The following EYS variants were observed in gnomAD, a reference collection of about 807,000 sequenced individuals.
EYS encodes the protein EGF-like photoreceptor maintenance factor.
Under a neutral mutation model 282.1 loss-of-function variants are expected in EYS, and 250 were observed. That is an observed-to-expected ratio of 0.89 (90% CI 0.80 to 0.98). EYS has a LOEUF of 0.98. EYS is among the 50% of genes least tolerant of loss of function. EYS has a pLI of 0.00. For synonymous variants in EYS, 1,355 were observed against 1,282.9 expected, an observed-to-expected ratio of 1.06 and a Z score of -1.20; for missense variants, 4,016 against 3,709.0, an observed-to-expected ratio of 1.08 and a Z score of -2.15.
intron 14 of EYS, among the ~76,000 whole-genome samples, chr6:64,979,732 A>C (rs551462390): frequency 6.6e-6 from 1 of 151,754 alleles, no homozygotes; most frequent in African/African-American, 2.4e-5. Context: ...TTGCTAACAT[A>C]TAATAAAGAT....
intron 16 of EYS, among the ~76,000 whole-genome samples, chr6:64,905,418 C>T (rs992396438): frequency 1.4e-4 from 22 of 152,110 alleles, no homozygotes; most frequent in African/African-American, 1.9e-4. Flanking sequence ...TTCGGTTGGC[C>T]GTACTTTGTT....
At chr6:63,979,266 G>T (rs1766983845) in intron 35 of EYS, among the ~76,000 whole-genome samples, 1 of 152,018 alleles carries the variant, frequency 6.6e-6, no homozygotes, top group Non-Finnish European at 1.5e-5. Flanking sequence ...GGAGAGTTAA[G>T]TTATTGCAAT....
intron 12 of EYS, among the ~76,000 whole-genome samples, chr6:65,124,034 G>T (rs1025011893): frequency 2.0e-5 from 3 of 151,926 alleles, no homozygotes; most frequent in Non-Finnish European, 2.9e-5. Context: ...AATTGGCAGG[G>T]CTGGTGGCAT....
chr6:63,830,780 C>T lies in EYS; in HGVS notation c.7229-24408G>A, dbSNP rs543598954. On this transcript the variant is annotated intron_variant, in intron 36 of 42. Transcript: ENST00000503581. Reference sequence around the variant, plus strand: ...ACATAATTGTCAGATTCACCAAAGTCGAAATGAAGGGAAAAATGTTAAGGG... The same window carrying T: ...ACATAATTGTCAGATTCACCAAAGTTGAAATGAAGGGAAAAATGTTAAGGG... Among the ~76,000 whole-genome samples, 420 of 152,122 alleles carry T rather than the reference C, an allele frequency of 2.8e-3. 2 individuals carry two copies. Among genetic ancestry groups the T allele is most frequent in the African/African-American group, 8.6e-3 (356 of 41,500 alleles).
intron 35 of EYS, among the ~76,000 whole-genome samples, chr6:63,874,404 A>C (rs1254482924): frequency 6.6e-6 from 1 of 152,204 alleles, no homozygotes; most frequent in Non-Finnish European, 1.5e-5. Context: ...ATAGCCTTGT[A>C]GTACCGTTTG....
At chr6:63,978,240 T>C (rs1039426285) in intron 35 of EYS, among the ~76,000 whole-genome samples, 2 of 152,014 alleles carry the variant, frequency 1.3e-5, no homozygotes, top group African/African-American at 2.4e-5. Flanking sequence ...TCATTTATGC[T>C]TCTAAGTTCT....
chr6:64,213,151 C>G (rs1023005313), intron 31 of EYS, among the ~76,000 whole-genome samples: 2 of 152,046 alleles, frequency 1.3e-5, no homozygotes, highest in Admixed American at 1.3e-4. Context: ...AGCCTTAATA[C>G]CTGTACAACA....
intron 29 of EYS, among the ~76,000 whole-genome samples, chr6:64,383,910 A>G (rs533126570): frequency 1.4e-4 from 22 of 152,304 alleles, no homozygotes; most frequent in Non-Finnish European, 2.6e-4. Context: ...AGAATATCAT[A>G]AACACATTTA....
At chr6:65,619,466 G>T (rs891190029) in intron 2 of EYS, among the ~76,000 whole-genome samples, 23 of 152,066 alleles carry the variant, frequency 1.5e-4, no homozygotes, top group Admixed American at 1.0e-3. Flanking sequence ...GAGACAATGG[G>T]GTTTTCCAGA....
chr6:65,027,726 A>C (rs996489403), intron 13 of EYS, among the ~76,000 whole-genome samples: 2 of 152,138 alleles, frequency 1.3e-5, no homozygotes, highest in East Asian at 3.9e-4. Context: ...GTATTGTATT[A>C]ATCACTTTGT....
At position 64,156,624 on chromosome 6, in the gene EYS, G is replaced by A. The variant is rs143247859; in HGVS notation, c.6424+73968C>T. Among the ~76,000 whole-genome samples the A allele has an allele frequency of 3.0e-3, 460 of 152,288 alleles. 4 individuals are homozygous for A. The highest frequency in any genetic ancestry group is 0.01 in the African/African-American group (433 of 41,564). ...TGGCTTTGACCAAAAGTCTGATAGT[G>A]ATATGGACAAAAAGGTCCAGGCTGA... On this transcript the variant is annotated intron_variant, in intron 31 of 42. Coordinates refer to ENST00000503581, the MANE Select transcript of EYS (RefSeq NM_001142800.2).
intron 22 of EYS, among the ~76,000 whole-genome samples, chr6:64,684,164 A>T (rs1411354012): frequency 6.6e-6 from 1 of 152,222 alleles, no homozygotes. Context: ...ACAAGAGAAT[A>T]ACTGTATGAA....
chr6:64,225,487 G>T (rs1305013734), intron 31 of EYS, among the ~76,000 whole-genome samples: 1 of 152,034 alleles, frequency 6.6e-6, no homozygotes, highest in Admixed American at 6.6e-5. Flanking sequence ...AAAGGGTGGT[G>T]TAAGAGTATG....
chr6:65,251,268 T>A (rs948433844), intron 12 of EYS, among the ~76,000 whole-genome samples: 1 of 151,638 alleles, frequency 6.6e-6, no homozygotes. Context: ...AAAATAAAAT[T>A]AATTACAAAA....
chr6:65,288,883 T>G, intron 12 of EYS, among the ~76,000 whole-genome samples: 1 of 151,228 alleles, frequency 6.6e-6, no homozygotes, highest in South Asian at 2.1e-4. Flanking sequence ...TATGGTAAGC[T>G]AATTAAAAGT....
At chr6:65,377,968 C>G (rs1387617601) in intron 8 of EYS, among the ~76,000 whole-genome samples, 2 of 152,072 alleles carry the variant, frequency 1.3e-5, no homozygotes, top group Non-Finnish European at 2.9e-5. Flanking sequence ...TGAATTCTAC[C>G]AGAGGTACAA....
At chr6:65,115,602 G>A (rs757673978) in intron 12 of EYS, among the ~76,000 whole-genome samples, 3 of 151,986 alleles carry the variant, frequency 2.0e-5, no homozygotes, top group Non-Finnish European at 4.4e-5. Flanking sequence ...GCTAAGCCAT[G>A]CCTTAAGATA....
intron 1 of EYS, among the ~76,000 whole-genome samples, chr6:65,651,866 C>G (rs1455424498): frequency 6.6e-6 from 1 of 151,920 alleles, no homozygotes; most frequent in Non-Finnish European, 1.5e-5. Context: ...AAAAAATAAA[C>G]TAACCATTGT....
chr6:63,915,598 T>G (rs1581972079), intron 35 of EYS, among the ~76,000 whole-genome samples: 1 of 152,234 alleles, frequency 6.6e-6, no homozygotes, highest in African/African-American at 2.4e-5. Flanking sequence ...TCTGATGGAC[T>G]AGGCAAAGTC....
Sources: gnomAD v4.1 joint callset for allele counts (sites outside exome capture counted in the v4.1 genomes callset) on GRCh38, gnomAD v4.1.1 for gene constraint, MANE v1.5 for transcripts, NCBI Gene and HGNC (gene_info 2026-07-23, HGNC 2026-07-21) for gene names.